SGCZ: variants seen among roughly 807,000 people sequenced by gnomAD.
SGCZ encodes the protein sarcoglycan zeta.
SGCZ carries 40 observed loss-of-function variants against 41.3 expected under a neutral mutation model. The observed-to-expected ratio is 0.97, with a 90% CI of 0.75 to 1.26. The LOEUF is 1.26. SGCZ is among the 50% of genes most tolerant of loss of function. The pLI is 0.00. For missense variants in SGCZ, 552 were observed against 369.8 expected (o/e 1.49, Z -4.04); for synonymous variants, 206 against 137.5 (o/e 1.50, Z -3.49).
At chr8:14,185,239 A>C (rs1423031602) in intron 4 of SGCZ, among the ~76,000 whole-genome samples, 1 of 151,966 alleles carries the variant, frequency 6.6e-6, no homozygotes, top group East Asian at 1.9e-4. Flanking sequence ...ATCCCTACTA[A>C]AAAGATACAA....
chr8:14,730,838 T>C (rs982509218), intron 1 of SGCZ, among the ~76,000 whole-genome samples: 3 of 151,784 alleles, frequency 2.0e-5, no homozygotes, highest in African/African-American at 7.3e-5. Flanking sequence ...AAGAATGCTG[T>C]AGCATCTCAC....
At chr8:14,638,464 T>C (rs894321933) in intron 1 of SGCZ, among the ~76,000 whole-genome samples, 3 of 151,826 alleles carry the variant, frequency 2.0e-5, no homozygotes, top group Non-Finnish European at 4.4e-5. Flanking sequence ...TTTCTTTAAG[T>C]CTGAATTTAA....
intron 1 of SGCZ, among the ~76,000 whole-genome samples, chr8:14,618,317 C>T (rs890682108): frequency 1.3e-5 from 2 of 152,126 alleles, no homozygotes; most frequent in African/African-American, 4.8e-5. Context: ...GAGCCCATTG[C>T]ATTTTAAAAC....
intron 2 of SGCZ, among the ~76,000 whole-genome samples, chr8:14,493,045 T>G (rs769892349): frequency 6.6e-6 from 1 of 152,066 alleles, no homozygotes; most frequent in Non-Finnish European, 1.5e-5. Context: ...TCCCTGATTG[T>G]CTCTCCAAAA....
chr8:14,784,913 A>AAAATAT lies in SGCZ; in HGVS notation c.40-229988_40-229987insATATTT, dbSNP rs1408574493. Among the ~76,000 whole-genome samples the AAAATAT allele has an allele frequency of 1.7e-3, 150 of 88,006 alleles. 1 individual carries two copies. The highest frequency in any genetic ancestry group is 6.6e-3 in the African/African-American group (141 of 21,342). The allele number at this position is 88,006 out of a possible 152,430, so 57.7% of individuals were successfully genotyped here. ...GTGAAACTCTGCCTCAAAAAAAAAA[A>AAAATAT]ATATATATATATATATATATAAAAT... On this transcript the variant is annotated intron_variant, in intron 1 of 7. Transcript: ENST00000382080.
At chr8:15,158,406 A>T (rs1452775356) in intron 1 of SGCZ, among the ~76,000 whole-genome samples, 6 of 152,314 alleles carry the variant, frequency 3.9e-5, no homozygotes, top group African/African-American at 1.4e-4. Flanking sequence ...TTATGTGCAT[A>T]TAGCAATAAA....
At chr8:14,744,066 G>C (rs1008165545) in intron 1 of SGCZ, among the ~76,000 whole-genome samples, 1 of 152,110 alleles carries the variant, frequency 6.6e-6, no homozygotes, top group African/African-American at 2.4e-5. Flanking sequence ...AATAGCCACA[G>C]GGTTAGATGT....
chr8:14,225,457 C>T (rs903668335), intron 4 of SGCZ, among the ~76,000 whole-genome samples: 4 of 147,458 alleles, frequency 2.7e-5, no homozygotes, highest in Non-Finnish European at 6.1e-5. Context: ...GATAAATGAC[C>T]ACTTAGTGTT....
At chr8:15,162,719 C>G (rs533210757) in intron 1 of SGCZ, among the ~76,000 whole-genome samples, 1 of 152,308 alleles carries the variant, frequency 6.6e-6, no homozygotes, top group East Asian at 1.9e-4. Flanking sequence ...CCTACCATGT[C>G]TATGTTTTTC....
chr8:14,450,452 T>A (rs193163323), intron 2 of SGCZ, among the ~76,000 whole-genome samples: 3 of 152,254 alleles, frequency 2.0e-5, no homozygotes, highest in Admixed American at 2.0e-4. Context: ...TTGAATTAAC[T>A]TGAAAGTGTA....
intron 1 of SGCZ, among the ~76,000 whole-genome samples, chr8:15,114,547 T>C (rs950003369): frequency 4.6e-5 from 7 of 152,172 alleles, no homozygotes; most frequent in Admixed American, 2.0e-4. Flanking sequence ...TTAACAAAAA[T>C]TGTTTTGTGA....
At chr8:14,780,356 C>T (rs1585254188) in intron 1 of SGCZ, among the ~76,000 whole-genome samples, 1 of 126,502 alleles carries the variant, frequency 7.9e-6, no homozygotes, top group Non-Finnish European at 1.6e-5. Context: ...GCCTGGGCCA[C>T]AGAGTGAGAC....
intron 4 of SGCZ, among the ~76,000 whole-genome samples, chr8:14,182,848 A>G (rs1804773975): frequency 6.6e-6 from 1 of 151,878 alleles, no homozygotes. Flanking sequence ...CATCTCTACT[A>G]AAAATACAAA....
At chr8:14,970,019 TA>T (rs1801239473) in intron 1 of SGCZ, among the ~76,000 whole-genome samples, 1 of 152,152 alleles carries the variant, frequency 6.6e-6, no homozygotes, top group African/African-American at 2.4e-5. Context: ...CAACACTTAG[TA>T]ATCATTTTAA....
intron 1 of SGCZ, among the ~76,000 whole-genome samples, chr8:14,907,227 C>T (rs1799144073): frequency 6.6e-6 from 1 of 152,042 alleles, no homozygotes; most frequent in Admixed American, 6.5e-5. Context: ...CAGAGTCTTG[C>T]TCTGTCACTC....
rs890175087 is a variant in SGCZ, at chr8:14,382,199, A to G, written c.235-57995T>C. On this transcript the variant is annotated intron_variant, in intron 2 of 7. Coordinates refer to ENST00000382080, the MANE Select transcript of SGCZ (RefSeq NM_139167.4). ...GAGTTTCTGCCAAACTGACAATGAAATTAGATATCATCACCCCCTTGAGCT... is the reference window on the plus strand; with the variant it reads ...GAGTTTCTGCCAAACTGACAATGAAGTTAGATATCATCACCCCCTTGAGCT... 4.6e-5 allele frequency among the ~76,000 whole-genome samples: 7 copies of G among 152,334 alleles called. No individual in the cohort carries two copies. The East Asian group carries it at 1.4e-3, about 29-fold the overall frequency.
intron 1 of SGCZ, among the ~76,000 whole-genome samples, chr8:14,673,414 C>G (rs535604484): frequency 6.6e-6 from 1 of 151,806 alleles, no homozygotes; most frequent in Admixed American, 6.6e-5. Context: ...CTCTCTCTCG[C>G]GCTCGCGCTG....
chr8:14,715,226 A>C (rs1288243465), intron 1 of SGCZ, among the ~76,000 whole-genome samples: 1 of 152,158 alleles, frequency 6.6e-6, no homozygotes, highest in Non-Finnish European at 1.5e-5. Flanking sequence ...TCAAATCATC[A>C]TAAAATATTT....
intron 1 of SGCZ, among the ~76,000 whole-genome samples, chr8:14,658,937 A>C (rs2117477094): frequency 6.6e-6 from 1 of 152,190 alleles, no homozygotes; most frequent in African/African-American, 2.4e-5. Context: ...AGGAAGGAAA[A>C]AGAGACGAAA....
Sources: allele counts gnomAD v4.1 joint callset (sites outside exome capture counted in the v4.1 genomes callset), GRCh38; gene constraint gnomAD v4.1.1; transcripts MANE v1.5; gene names NCBI Gene and HGNC (gene_info 2026-07-23, HGNC 2026-07-21).